KIAA1328: variants seen among roughly 807,000 people sequenced by gnomAD.
KIAA1328 encodes the protein KIAA1328.
A neutral mutation model predicts 68.1 loss-of-function variants in KIAA1328; 52 were observed. That is an observed-to-expected ratio of 0.76 (90% CI 0.61 to 0.96). The LOEUF is 0.96. KIAA1328 is among the 40% of genes least tolerant of loss of function. The pLI, the probability that KIAA1328 is intolerant of heterozygous loss-of-function variation, is 0.00. For synonymous variants in KIAA1328, 232 were observed against 239.4 expected (o/e 0.97, Z 0.28); for missense variants, 641 against 677.6 (o/e 0.95, Z 0.60).
downstream of KIAA1328, chr18:37,225,442 G>GTA (rs1454974079): frequency 2.5e-6 from 1 of 407,284 alleles, no homozygotes; most frequent in African/African-American, 2.2e-5. Flanking sequence ...ATTTTCCTCA[G>GTA]TACTTGTTAA....
intron 7 of KIAA1328, among the ~76,000 whole-genome samples, chr18:37,136,818 T>G (rs1466357756): frequency 6.6e-6 from 1 of 152,212 alleles, no homozygotes; most frequent in Non-Finnish European, 1.5e-5. Flanking sequence ...GAAATAGACA[T>G]TAACTGACTT....
chr18:37,177,863 T>C (rs906684635), intron 9 of KIAA1328, among the ~76,000 whole-genome samples: 6 of 152,100 alleles, frequency 3.9e-5, no homozygotes, highest in African/African-American at 1.4e-4. Flanking sequence ...ATTACACATA[T>C]TTATGAGGTA....
chr18:36,951,974 T>C (rs2051178181), intron 5 of KIAA1328, among the ~76,000 whole-genome samples: 1 of 152,170 alleles, frequency 6.6e-6, no homozygotes, highest in African/African-American at 2.4e-5. Flanking sequence ...TAGCTGTAAG[T>C]CATCAGTGAC....
intron 7 of KIAA1328, among the ~76,000 whole-genome samples, chr18:37,072,425 T>C (rs1047861937): frequency 3.1e-4 from 27 of 87,902 alleles, no homozygotes; most frequent in Non-Finnish European, 4.9e-4. Flanking sequence ...TTTTAAAGAT[T>C]TTTTTGTCTT....
intron 4 of KIAA1328, among the ~76,000 whole-genome samples, chr18:36,873,908 A>G (rs1320964335): frequency 2.0e-5 from 3 of 151,982 alleles, no homozygotes; most frequent in East Asian, 1.9e-4. Flanking sequence ...TCATGGTTCA[A>G]CTCCCACTTA....
In KIAA1328 at chr18:36,855,256, T is replaced by A. The variant is rs1396285158; in HGVS notation, c.332+10954T>A. On this transcript the variant is annotated intron_variant, in intron 4 of 9. Transcript: ENST00000280020. ...AAATGTTTTCTGCAGCTGCAGAGTG[T>A]TTTAATATTTCTACCATCAATGTAC... Among the ~76,000 whole-genome samples the A allele has an allele frequency of 2.6e-5, 4 of 152,282 alleles. No individual in the cohort carries two copies. The East Asian group carries it at 7.7e-4, about 29-fold the overall frequency.
At chr18:37,039,444 C>T (rs2055156578) in intron 6 of KIAA1328, among the ~76,000 whole-genome samples, 1 of 150,788 alleles carries the variant, frequency 6.6e-6, no homozygotes, top group African/African-American at 2.4e-5. Flanking sequence ...GGCGGAATCT[C>T]GCTCTGTTGC....
intron 6 of KIAA1328, among the ~76,000 whole-genome samples, chr18:37,001,820 A>G (rs1322007618): frequency 1.3e-5 from 2 of 152,216 alleles, no homozygotes; most frequent in Non-Finnish European, 2.9e-5. Flanking sequence ...CATGATAAAA[A>G]GCTTTCATCG....
chr18:37,137,114 A>G (rs1487504007), intron 7 of KIAA1328, among the ~76,000 whole-genome samples: 1 of 152,184 alleles, frequency 6.6e-6, no homozygotes, highest in Non-Finnish European at 1.5e-5. Flanking sequence ...CCTTCACTCA[A>G]AATGAGATCT....
intron 5 of KIAA1328, among the ~76,000 whole-genome samples, chr18:36,893,461 G>T (rs58287184): frequency 0.23 from 23,291 of 100,574 alleles, 1,784 homozygotes; most frequent in East Asian, 0.4. Context: ...GTGTGTGTGT[G>T]TTTTTGTGTG....
chr18:37,160,975 G>A (rs747230536), intron 8 of KIAA1328, among the ~76,000 whole-genome samples: 6 of 152,130 alleles, frequency 3.9e-5, no homozygotes, highest in Non-Finnish European at 7.4e-5. Context: ...TCCTGGAGAG[G>A]CTTTTGGCTT....
chr18:37,075,945 A>T (rs1394285745), intron 7 of KIAA1328, among the ~76,000 whole-genome samples: 2 of 152,300 alleles, frequency 1.3e-5, no homozygotes, highest in African/African-American at 2.4e-5. Context: ...GTTAACAAGG[A>T]TACCCAGGAA....
chr18:37,018,599 A>G (rs2151517527), intron 6 of KIAA1328, among the ~76,000 whole-genome samples: 1 of 152,280 alleles, frequency 6.6e-6, no homozygotes, highest in South Asian at 2.1e-4. Flanking sequence ...AATGCTAATA[A>G]TTGGAAGGTT....
intron 6 of KIAA1328, among the ~76,000 whole-genome samples, chr18:37,059,975 T>C (rs1422113577): frequency 8.4e-6 from 1 of 119,322 alleles, no homozygotes; most frequent in Non-Finnish European, 1.7e-5. Context: ...CACTCATAAC[T>C]GGGAGGGGAA....
intron 7 of KIAA1328, among the ~76,000 whole-genome samples, chr18:37,152,803 C>G (rs957965243): frequency 6.6e-6 from 1 of 152,096 alleles, no homozygotes; most frequent in Non-Finnish European, 1.5e-5. Context: ...CTCAGTAAGG[C>G]TTCCCTTTTA....
chr18:37,154,093 C>T lies in KIAA1328; in HGVS notation c.1233-6107C>T, dbSNP rs897776539. 2.6e-5 allele frequency among the ~76,000 whole-genome samples: 4 copies of T among 152,160 alleles called. No individual in the cohort carries two copies. In the South Asian group the frequency reaches 8.3e-4, roughly 32 times the overall value. On this transcript the variant is annotated intron_variant, in intron 7 of 9. Transcript: ENST00000280020. ...CCTTTTTCTAAAAGACTGTTTTCTC[C>T]CACTCTTCACAATAACTCAGTAATT...
At chr18:37,218,971 G>A (rs2060501986) in intron 9 of KIAA1328, among the ~76,000 whole-genome samples, 1 of 152,202 alleles carries the variant, frequency 6.6e-6, no homozygotes, top group South Asian at 2.1e-4. Context: ...GATCTCTGAT[G>A]ATGGTGACCT....
rs1045470367 is a variant in KIAA1328 at position 37,120,412 on chromosome 18, G to A, written c.1233-39788G>A. Among the ~76,000 whole-genome samples the A allele has an allele frequency of 3.2e-4, 48 of 152,070 alleles. 1 individual carries two copies. Among genetic ancestry groups the A allele is most frequent in the African/African-American group, 1.1e-3 (47 of 41,512 alleles). On this transcript the variant is annotated intron_variant, in intron 7 of 9. Transcript: ENST00000280020. The stretch of plus-strand genomic sequence containing the variant: ...ACACAGAAGTTACTTTGGCTGAGAT[G>A]GAATGGTGAAAAAAAAATCAACTTG...
At chr18:36,948,390 T>C (rs1391167400) in intron 5 of KIAA1328, among the ~76,000 whole-genome samples, 1 of 150,854 alleles carries the variant, frequency 6.6e-6, no homozygotes, top group African/African-American at 2.4e-5. Context: ...GCCTCCTGAG[T>C]AGCTGGGATT....
Sources: gnomAD v4.1 joint callset for allele counts (sites outside exome capture counted in the v4.1 genomes callset) on GRCh38, gnomAD v4.1.1 for gene constraint, MANE v1.5 for transcripts, NCBI Gene and HGNC (gene_info 2026-07-23, HGNC 2026-07-21) for gene names.